Variants in PALB2 observed in about 807,000 individuals in gnomAD.
The protein encoded by PALB2 is partner and localizer of BRCA2, also known as mutant partner and localizer of BRCA2.
Under a neutral mutation model 107.4 loss-of-function variants are expected in PALB2, and 82 were observed. The ratio of observed to expected loss-of-function variants is 0.76; its 90% CI spans 0.64 to 0.92. The LOEUF is 0.92. Ranked by LOEUF, PALB2 falls within the 40% of genes least tolerant of loss-of-function variation. The pLI is 0.00. For synonymous variants in PALB2, 489 were observed against 496.8 expected (o/e 0.98, Z 0.21); for missense variants, 1,374 against 1,379.9 (o/e 1.00, Z 0.07).
chr16:23,635,467 T>A lies in PALB2; in HGVS notation c.1079A>T (p.Asp360Val). 1 of 1,614,186 alleles carries A rather than the reference T, an allele frequency of 6.2e-7. No homozygotes were observed. The highest frequency in any genetic ancestry group is 8.5e-7 in the Non-Finnish European group (1 of 1,180,026). Residue 360 changes from aspartate to valine, a missense_variant, in exon 4 of 13, where the codon GAC becomes GTC. Coordinates refer to ENST00000261584, the MANE Select transcript of PALB2 (RefSeq NM_024675.4). ...ATTTTCATTCCTGCCATCAAGAGTG[T>A]CACTGGGAGATTTTAAAGATTTCTC... ...QTEKSLKSPS[D>V]TLDGRNENLQ...
intron 11 of PALB2, among the ~76,000 whole-genome samples, chr16:23,609,730 A>T (rs560349690): frequency 6.6e-6 from 1 of 152,260 alleles, no homozygotes; most frequent in South Asian, 2.1e-4. Flanking sequence ...GTTAGCCAGG[A>T]TGGTCTCGAT....
At chr16:23,610,374 T>A (rs929326031) in intron 11 of PALB2, among the ~76,000 whole-genome samples, 16 of 150,958 alleles carry the variant, frequency 1.1e-4, no homozygotes, top group Non-Finnish European at 2.1e-4. Context: ...AGTGGCAGGA[T>A]GTCGTCTCAC....
chr16:23,618,383 T>C (rs748940474), intron 10 of PALB2, among the ~76,000 whole-genome samples: 1 of 151,890 alleles, frequency 6.6e-6, no homozygotes, highest in South Asian at 2.1e-4. Context: ...GGACTACTTA[T>C]AGAAAAAGGG....
chr16:23,603,252 AC>A lies in PALB2; in HGVS notation c.*206del. 1.8e-6 allele frequency: 1 copy of A among 544,344 alleles called. No homozygotes were observed. The highest frequency in any genetic ancestry group is 3.3e-6 in the Non-Finnish European group (1 of 305,314). 33.7% of individuals were successfully genotyped at this position (544,344 alleles called of 1,614,324 possible). ...CAAATGTGGGAAATTACAAAAATCAACCTAAAACCCTTTTTCTCAAAGTATA... is the reference window on the plus strand; with the variant it reads ...CAAATGTGGGAAATTACAAAAATCAACTAAAACCCTTTTTCTCAAAGTATA... On this transcript the variant is annotated 3_prime_UTR_variant, in exon 13 of 13. Transcript: ENST00000261584.
At chr16:23,634,254 T>G (rs1006670526) in intron 4 of PALB2, among the ~76,000 whole-genome samples, 5 of 152,238 alleles carry the variant, frequency 3.3e-5, no homozygotes, top group African/African-American at 1.2e-4. Context: ...AATCTCCCTG[T>G]ACTTTAGTTT....
At chr16:23,638,027 G>T (rs1442016637) in intron 2 of PALB2, 43 bp downstream of exon 2, 3 of 1,605,582 alleles carry the variant, frequency 1.9e-6, no homozygotes, top group Admixed American at 3.3e-5. Context: ...TTTTTAAATT[G>T]TTTGTACTAT....
chr16:23,631,339 C>T (rs1033974573), intron 4 of PALB2, among the ~76,000 whole-genome samples: 3 of 142,222 alleles, frequency 2.1e-5, no homozygotes, highest in South Asian at 2.2e-4. Context: ...CATGGTGGTG[C>T]GTGCCTGTGA....
rs1460881918 is a variant in PALB2 at position 23,630,718 on chromosome 16, C to G, written c.1685-249G>C. ...CAAATATACTAAAAAATGTTCATTA[C>G]TTTTCCCATCCATGACTCAGAAACT... On this transcript the variant is annotated intron_variant, in intron 4 of 12. Coordinates refer to ENST00000261584, the MANE Select transcript of PALB2 (RefSeq NM_024675.4). Among the ~76,000 whole-genome samples, 3 of 152,156 alleles carry G rather than the reference C, an allele frequency of 2.0e-5. No individual in the cohort carries two copies. In the East Asian group the frequency reaches 5.8e-4, roughly 29 times the overall value.
chr16:23,641,217 G>A lies in PALB2; in HGVS notation c.-60C>T, dbSNP rs1245288960. On this transcript the variant is annotated 5_prime_UTR_variant, in exon 1 of 13. Transcript: ENST00000261584. ...CCGACCCCAGGCCTGCCGACACCGG[G>A]ACCCAGTTGGCCCTGGGCCGGGGAG... The A allele has an allele frequency of 6.3e-7, 1 of 1,589,366 alleles. No individual in the cohort carries two copies. Among genetic ancestry groups the A allele is most frequent in the Admixed American group, 1.8e-5 (1 of 56,792 alleles).
chr16:23,603,753 C>A, intron 12 of PALB2, 84 bp from the exon 13 acceptor site: 1 of 1,269,930 alleles, frequency 7.9e-7, no homozygotes, highest in Non-Finnish European at 1.1e-6. Context: ...ACCATGTTCC[C>A]AAAACCAGCA....
intron 10 of PALB2, among the ~76,000 whole-genome samples, chr16:23,617,062 A>G (rs1966696987): frequency 1.3e-5 from 2 of 151,940 alleles, no homozygotes; most frequent in African/African-American, 2.4e-5. Flanking sequence ...TGATCTGCCC[A>G]CCTCGGCCTC....
chr16:23,606,049 TG>T lies in PALB2; in HGVS notation c.3350+1814del, dbSNP rs369256728. 8 of 152,170 alleles carry T rather than the reference TG, an allele frequency of 5.3e-5. No individual in the cohort carries two copies. In the South Asian group the frequency reaches 1.4e-3, roughly 28 times the overall value. The allele number at this position is 152,170 out of a possible 1,614,324, so 9.4% of individuals were successfully genotyped here. On this transcript the variant is annotated intron_variant, in intron 12 of 12. Transcript: ENST00000261584. ...AACTAAGATATGCTTCCTACAGGAT[TG>T]GTACCAAACAGGCTTTCAAGGATTC...
chr16:23,634,380 T>C (rs934962107), intron 4 of PALB2, among the ~76,000 whole-genome samples: 3 of 152,184 alleles, frequency 2.0e-5, no homozygotes, highest in Admixed American at 1.3e-4. Flanking sequence ...CTGGACACAG[T>C]GGCTCACGTC....
intron 9 of PALB2, among the ~76,000 whole-genome samples, chr16:23,622,268 G>T (rs1966786071): frequency 6.6e-6 from 1 of 152,178 alleles, no homozygotes; most frequent in African/African-American, 2.4e-5. Context: ...GAGCTCAGAG[G>T]TAGAAATGTA....
At chr16:23,631,116 A>G (rs1160894316) in intron 4 of PALB2, among the ~76,000 whole-genome samples, 1 of 148,000 alleles carries the variant, frequency 6.8e-6, no homozygotes, top group Non-Finnish European at 1.5e-5. Context: ...ATACAAAAAA[A>G]AAAAAAAAAA....
At chr16:23,639,878 G>A (rs1967171429) in intron 1 of PALB2, among the ~76,000 whole-genome samples, 1 of 152,008 alleles carries the variant, frequency 6.6e-6, no homozygotes, top group East Asian at 1.9e-4. Flanking sequence ...GTTGCCAACC[G>A]TAAGGAATTT....
chr16:23,621,101 T>G (rs1966763090), intron 10 of PALB2, among the ~76,000 whole-genome samples: 1 of 152,124 alleles, frequency 6.6e-6, no homozygotes, highest in African/African-American at 2.4e-5. Flanking sequence ...TCCCAGCTAC[T>G]CGGGAGGCTG....
intron 1 of PALB2, 97 bp downstream of exon 1, chr16:23,641,013 C>A: frequency 2.1e-6 from 3 of 1,400,464 alleles, no homozygotes; most frequent in South Asian, 2.5e-5. Context: ...TCAGATGATA[C>A]TGCTGCCCTC....
rs566105533 is a variant in PALB2 at position 23,635,091 on chromosome 16, A to C, written c.1455T>G (p.Thr485=). 27 of 1,614,202 alleles carry C rather than the reference A, an allele frequency of 1.7e-5. No homozygotes were observed. In the African/African-American group the frequency reaches 3.6e-4, roughly 22 times the overall value. ...TGGGCCCAGCGGGAGAGCTGACTTT[A>C]GTTAATGAGAGAAGTTTCTGAGAGG... The part of the protein sequence containing the change: ...SRTSQKLLSL[T]KVSSPAGPTE... Residue 485 remains threonine (T), a synonymous_variant, in exon 4 of 13, where the codon ACT becomes ACG. Transcript: ENST00000261584.
Sources: allele counts gnomAD v4.1 joint callset (sites outside exome capture counted in the v4.1 genomes callset), GRCh38; gene constraint gnomAD v4.1.1; transcripts MANE v1.5; gene names NCBI Gene and HGNC (gene_info 2026-07-23, HGNC 2026-07-21).